MYO18B: variants seen among roughly 807,000 people sequenced by gnomAD.
MYO18B encodes the protein myosin XVIIIB.
A neutral mutation model predicts 273.0 loss-of-function variants in MYO18B; 204 were observed. That is an observed-to-expected ratio of 0.75 (90% CI 0.67 to 0.84). The LOEUF (loss-of-function observed/expected upper bound fraction) is 0.84. Among genes scored for constraint, MYO18B ranks in the 40% least tolerant of loss-of-function variants. The pLI, the probability that MYO18B is intolerant of heterozygous loss-of-function variation, is 0.00. For synonymous variants in MYO18B, 1,330 were observed against 1,305.7 expected, an observed-to-expected ratio of 1.02 and a Z score of -0.40; for missense variants, 3,212 against 3,287.6, an observed-to-expected ratio of 0.98 and a Z score of 0.56.
At chr22:25,812,626 G>A (rs1009838213) in intron 12 of MYO18B, among the ~76,000 whole-genome samples, 38 of 152,198 alleles carry the variant, frequency 2.5e-4, no homozygotes, top group Non-Finnish European at 4.4e-4. Context: ...GAGGGCCTTG[G>A]ACAAGCAAGT....
the MYO18B span, among the ~76,000 whole-genome samples, chr22:26,060,221 G>A: frequency 3.9e-5 from 6 of 152,146 alleles, no homozygotes; most frequent in Non-Finnish European, 8.8e-5. Context: ...GTTTACATAT[G>A]GTCTATGGCT....
At chr22:25,847,699 A>C in intron 20 of MYO18B, 47 bp downstream of exon 20, 1 of 1,435,320 alleles carries the variant, frequency 7.0e-7, no homozygotes, top group Non-Finnish European at 9.5e-7. Flanking sequence ...CTCCTGGGAC[A>C]TGTCCACCCA....
At chr22:25,950,688 C>T (rs2092782933) in intron 37 of MYO18B, among the ~76,000 whole-genome samples, 1 of 152,184 alleles carries the variant, frequency 6.6e-6, no homozygotes, top group Non-Finnish European at 1.5e-5. Flanking sequence ...TCTCCCGCCT[C>T]AGCCTCCCAA....
At chr22:25,775,729 T>TCC (rs1354993222) in intron 7 of MYO18B, among the ~76,000 whole-genome samples, 1 of 152,126 alleles carries the variant, frequency 6.6e-6, no homozygotes, top group Non-Finnish European at 1.5e-5. Flanking sequence ...CCCTGACCTG[T>TCC]CCCTGTCAGG....
At chr22:25,955,762 T>A (rs2092844183) in intron 39 of MYO18B, among the ~76,000 whole-genome samples, 1 of 152,066 alleles carries the variant, frequency 6.6e-6, no homozygotes, top group African/African-American at 2.4e-5. Context: ...ATAATCCTCA[T>A]GTCAGCCCTG....
the MYO18B span, among the ~76,000 whole-genome samples, chr22:26,052,806 T>TG: frequency 6.8e-6 from 1 of 147,742 alleles, no homozygotes; most frequent in South Asian, 2.1e-4. Flanking sequence ...TTTTTTTTTT[T>TG]GGTTTTTTTT....
intron 38 of MYO18B, among the ~76,000 whole-genome samples, chr22:25,953,094 A>G (rs929283348): frequency 2.6e-5 from 4 of 152,212 alleles, no homozygotes; most frequent in Admixed American, 2.6e-4. Flanking sequence ...AGGACAGGTA[A>G]GACTTGGATG....
intron 23 of MYO18B, among the ~76,000 whole-genome samples, chr22:25,875,920 A>G (rs2091178528): frequency 6.6e-6 from 1 of 151,708 alleles, no homozygotes; most frequent in Non-Finnish European, 1.5e-5. Flanking sequence ...TCCTATTATT[A>G]TTTGGCCATG....
intron 2 of MYO18B, among the ~76,000 whole-genome samples, chr22:25,762,416 A>C (rs541593891): frequency 9.8e-5 from 15 of 152,320 alleles, no homozygotes; most frequent in African/African-American, 3.6e-4. Context: ...AGCACTGGTG[A>C]CTTTTTTTTC....
At chr22:25,786,500 A>AG (rs1334024296) in intron 11 of MYO18B, among the ~76,000 whole-genome samples, 1 of 151,894 alleles carries the variant, frequency 6.6e-6, no homozygotes, top group Non-Finnish European at 1.5e-5. Flanking sequence ...TGCAAAAAAA[A>AG]AAAAAATCCA....
chr22:26,042,276 G>A, the MYO18B span, among the ~76,000 whole-genome samples: 3 of 152,246 alleles, frequency 2.0e-5, no homozygotes, highest in African/African-American at 7.2e-5. Context: ...ATCCCTGCCA[G>A]CTGCATCCTA....
intron 33 of MYO18B, among the ~76,000 whole-genome samples, chr22:25,921,037 C>T (rs1217728298): frequency 4.6e-5 from 7 of 152,182 alleles, no homozygotes; most frequent in South Asian, 2.1e-4. Context: ...AAGCATTAGG[C>T]TAGGCATGTA....
At chr22:25,977,867 T>C (rs769075765) in intron 39 of MYO18B, among the ~76,000 whole-genome samples, 1 of 152,164 alleles carries the variant, frequency 6.6e-6, no homozygotes, top group Non-Finnish European at 1.5e-5. Flanking sequence ...ACTTTGCAGA[T>C]GAGAAAACTG....
intron 18 of MYO18B, among the ~76,000 whole-genome samples, chr22:25,844,156 G>A (rs890206143): frequency 1.1e-4 from 16 of 152,192 alleles, no homozygotes; most frequent in Admixed American, 9.8e-4. Context: ...TCTTATTTTG[G>A]CACTTTGCCT....
intron 34 of MYO18B, among the ~76,000 whole-genome samples, chr22:25,943,621 T>G (rs1250851005): frequency 6.6e-6 from 1 of 152,022 alleles, no homozygotes; most frequent in Non-Finnish European, 1.5e-5. Flanking sequence ...TTAGTTCCTG[T>G]CTCTGCCTCA....
At chr22:25,782,888 G>GGT (rs1336148596) in intron 10 of MYO18B, among the ~76,000 whole-genome samples, 4 of 152,210 alleles carry the variant, frequency 2.6e-5, no homozygotes, top group Non-Finnish European at 5.9e-5. Context: ...CTTGGAGTGG[G>GGT]GTGGTATAGC....
intron 1 of MYO18B, among the ~76,000 whole-genome samples, chr22:25,743,542 AAGG>A (rs2085690588): frequency 6.6e-6 from 1 of 151,858 alleles, no homozygotes; most frequent in Middle Eastern, 3.2e-3. Context: ...GAAAGAGAAG[AAGG>A]AGGAGAAGAA....
chr22:25,906,682 A>G (rs899899967), intron 31 of MYO18B, among the ~76,000 whole-genome samples: 3 of 152,194 alleles, frequency 2.0e-5, no homozygotes, highest in African/African-American at 7.2e-5. Context: ...TATGCAAAAA[A>G]GAGGTTTAAT....
At position 25,823,508 on chromosome 22, in the gene MYO18B, G is replaced by T. The variant is rs2145891222; in HGVS notation, c.2525G>T (p.Gly842Val). The T allele has an allele frequency of 3.7e-6, 6 of 1,613,864 alleles. 1 individual carries two copies. In the Middle Eastern group the frequency reaches 4.9e-4, roughly 133 times the overall value. Reference sequence around the variant, plus strand: ...CTCTGTTTTGTCCCCTTTGCAGTGGGTCGGAAGCAGTTCATGAGGTTTGAG... The same window carrying T: ...CTCTGTTTTGTCCCCTTTGCAGTGGTTCGGAAGCAGTTCATGAGGTTTGAG... ...HLGAAGACKV[G>V]RKQFMRFEWA... Residue 842 changes from glycine to valine, a missense_variant, in exon 13 of 44, where the codon GGT becomes GTT. Transcript: ENST00000335473.
Sources: gnomAD v4.1 joint callset for allele counts (sites outside exome capture counted in the v4.1 genomes callset) on GRCh38, gnomAD v4.1.1 for gene constraint, MANE v1.5 for transcripts, NCBI Gene and HGNC (gene_info 2026-07-23, HGNC 2026-07-21) for gene names.